TRMT2B: variants seen among roughly 807,000 people sequenced by gnomAD.
TRMT2B encodes tRNA methyltransferase 2B.
A neutral mutation model predicts 39.7 loss-of-function variants in TRMT2B; 34 were observed. That is an observed-to-expected ratio of 0.86 (90% CI 0.65 to 1.14). The LOEUF (loss-of-function observed/expected upper bound fraction) is 1.14. TRMT2B is among the 50% of genes most tolerant of loss of function. The pLI, the probability that TRMT2B is intolerant of heterozygous loss-of-function variation, is 0.00. For missense variants in TRMT2B, 318 were observed against 377.2 expected (o/e 0.84, Z 1.30); for synonymous variants, 132 against 137.3 (o/e 0.96, Z 0.27).
chrX:100,998,554 C>CA, the TRMT2B span, among the ~76,000 whole-genome samples: 497 of 55,935 alleles, frequency 8.9e-3, 15 homozygotes, highest in South Asian at 0.024. Context: ...GATTCTGTCG[C>CA]AAAAAAAAAA....
At chrX:100,995,371 A>G in the TRMT2B span, among the ~76,000 whole-genome samples, 5 of 111,965 alleles carry the variant, frequency 4.5e-5, no homozygotes, top group Non-Finnish European at 7.5e-5. Flanking sequence ...TCTCATGTCA[A>G]GCTCTGGAGG....
the TRMT2B span, among the ~76,000 whole-genome samples, chrX:100,984,428 C>A: frequency 9.0e-6 from 1 of 111,731 alleles, no homozygotes; most frequent in Non-Finnish European, 1.9e-5. Flanking sequence ...CGCGAGCCAC[C>A]GTGCCCAGCC....
chrX:101,026,484 A>G lies in TRMT2B; in HGVS notation c.610-2868T>C, dbSNP rs58633372. ...GAGCAAAACTCCGTCTCAAAAAAAA[A>G]AAAAAAAAAGTCATATAGGTTCTGG... On this transcript the variant is annotated intron_variant, in intron 7 of 13. Transcript: ENST00000372936. 2.7e-3 allele frequency among the ~76,000 whole-genome samples: 293 copies of G among 109,224 alleles called. 7 individuals are homozygous for G. The highest frequency in any genetic ancestry group is 8.8e-3 in the African/African-American group (265 of 30,010). 94.8% of individuals were successfully genotyped at this position (109,224 alleles called of 115,157 possible).
At chrX:100,998,568 A>C in the TRMT2B span, among the ~76,000 whole-genome samples, 2 of 110,012 alleles carry the variant, frequency 1.8e-5, no homozygotes, top group African/African-American at 6.6e-5. Context: ...AAAAAAAAAA[A>C]AAAAACGACA....
At position 101,042,223 on chromosome X, in the gene TRMT2B, A is replaced by G. The variant is rs1349516159; in HGVS notation, c.67T>C (p.Phe23Leu). 1.4e-5 allele frequency: 17 copies of G among 1,212,169 alleles called. No homozygotes were observed. Among genetic ancestry groups the G allele is most frequent in the Non-Finnish European group, 1.9e-5 (17 of 895,533 alleles). ...LRYFISMVGL[F>L]SKPGLLPWYA... The stretch of plus-strand genomic sequence containing the variant: ...CAGGGAAGCAGTCCTGGTTTGGAGA[A>G]GAGACCCACCATGGAGATGAAGTAT... Residue 23 changes from phenylalanine (F) to leucine (L), a missense_variant, in exon 3 of 14, where the codon TTC becomes CTC. Phe to Leu is a conservative substitution (Grantham distance 22, BLOSUM62 0). Transcript: ENST00000372936.
At chrX:101,024,359 G>A (rs1224055621) in intron 7 of TRMT2B, among the ~76,000 whole-genome samples, 4 of 111,776 alleles carry the variant, frequency 3.6e-5, no homozygotes, top group African/African-American at 9.7e-5. Context: ...TCAGTCTGCC[G>A]TATTTTGTAA....
chrX:101,014,363 G>A (rs2086413905), intron 13 of TRMT2B, among the ~76,000 whole-genome samples: 1 of 109,768 alleles, frequency 9.1e-6, no homozygotes, highest in Admixed American at 9.9e-5. Context: ...TTAGAGATGG[G>A]GTCTTACTCT....
the TRMT2B span, chrX:100,990,638 G>A: frequency 9.2e-7 from 1 of 1,091,405 alleles, no homozygotes; most frequent in Non-Finnish European, 1.2e-6. Flanking sequence ...AGACCACCTT[G>A]GTAAAAAAGA....
At chrX:101,017,326 GT>G (rs1011048385) in intron 13 of TRMT2B, among the ~76,000 whole-genome samples, 3 of 110,673 alleles carry the variant, frequency 2.7e-5, no homozygotes, top group Admixed American at 9.7e-5. Context: ...AAATCTACAG[GT>G]TTTTTTGTTT....
downstream of TRMT2B, among the ~76,000 whole-genome samples, chrX:101,004,914 G>T (rs965390673): frequency 8.1e-5 from 9 of 111,538 alleles, no homozygotes; most frequent in African/African-American, 2.9e-4. Context: ...AAACATCCTG[G>T]TTTACCCAGG....
intron 13 of TRMT2B, among the ~76,000 whole-genome samples, chrX:101,016,902 C>T (rs1410155228): frequency 9.0e-6 from 1 of 111,159 alleles, no homozygotes; most frequent in South Asian, 3.8e-4. Flanking sequence ...GGGCCGGGTA[C>T]GGTGGCTCAT....
Position 101,010,417 on chromosome X carries a change from A to G in TRMT2B, c.*164T>C. On this transcript the variant is annotated 3_prime_UTR_variant, in exon 14 of 14. Transcript: ENST00000372936. ...AGAGTGAGACTCTATCTCAAAAAAA[A>G]AATCTGCCTCAGACCAGAGGCCTAA... is the stretch of plus-strand genomic sequence containing the variant. 1 of 595,056 alleles carries G rather than the reference A, an allele frequency of 1.7e-6. No homozygotes were observed. Among genetic ancestry groups the G allele is most frequent in the Non-Finnish European group, 2.6e-6 (1 of 377,928 alleles). The allele number at this position is 595,056 out of a possible 1,213,427, so 49.0% of individuals were successfully genotyped here.
intron 7 of TRMT2B, among the ~76,000 whole-genome samples, chrX:101,025,346 G>C (rs1214312435): frequency 3.6e-5 from 4 of 110,730 alleles, no homozygotes; most frequent in Non-Finnish European, 5.7e-5. Flanking sequence ...ATTTCCTCCT[G>C]GTATATACAA....
chrX:101,047,675 T>C (rs2148078341), intron 2 of TRMT2B, among the ~76,000 whole-genome samples: 1 of 108,722 alleles, frequency 9.2e-6, no homozygotes, highest in African/African-American at 3.4e-5. Flanking sequence ...CTACTAAAAA[T>C]ACTAAAATTA....
chrX:100,982,343 T>C, the TRMT2B span, among the ~76,000 whole-genome samples: 1 of 110,106 alleles, frequency 9.1e-6, no homozygotes, highest in African/African-American at 3.3e-5. Context: ...AATACAAAAA[T>C]TGGCTGGGTG....
chrX:101,029,406 A>C (rs960144235), intron 7 of TRMT2B, among the ~76,000 whole-genome samples: 2 of 111,308 alleles, frequency 1.8e-5, no homozygotes, highest in African/African-American at 6.5e-5. Flanking sequence ...ATTCTTTCTC[A>C]TAAATAAGTA....
the TRMT2B span, among the ~76,000 whole-genome samples, chrX:100,980,425 G>C: frequency 9.1e-6 from 1 of 109,791 alleles, no homozygotes; most frequent in Non-Finnish European, 1.9e-5. Context: ...TTCAAGGCCC[G>C]AGGGCTCTTT....
the TRMT2B span, chrX:100,974,337 GC>G: frequency 4.6e-6 from 2 of 435,580 alleles, no homozygotes; most frequent in Non-Finnish European, 8.2e-6. Context: ...TAACACACAC[GC>G]ACACACACAC....
the TRMT2B span, chrX:100,985,676 G>A: frequency 8.3e-7 from 1 of 1,209,148 alleles, no homozygotes; most frequent in East Asian, 3.0e-5. Flanking sequence ...GTACTTCCCA[G>A]TAAGACAGAC....
Sources: allele counts gnomAD v4.1 joint callset (sites outside exome capture counted in the v4.1 genomes callset), GRCh38; gene constraint gnomAD v4.1.1; transcripts MANE v1.5; gene names NCBI Gene and HGNC (gene_info 2026-07-23, HGNC 2026-07-21).